NARS2: variants seen among roughly 807,000 people sequenced by gnomAD.
The protein encoded by NARS2 is asparaginyl-tRNA synthetase.
Under a neutral mutation model 62.9 loss-of-function variants are expected in NARS2, and 60 were observed. The observed-to-expected ratio is 0.95, with a 90% confidence interval of 0.77 to 1.18. The LOEUF (loss-of-function observed/expected upper bound fraction) is 1.18, where lower values mean the gene tolerates loss of function less well. NARS2 is among the 50% of genes most tolerant of loss of function. The pLI, the probability that NARS2 is intolerant of heterozygous loss-of-function variation, is 0.00. For synonymous variants in NARS2, 196 were observed against 200.0 expected, an observed-to-expected ratio of 0.98 and a Z score of 0.17; for missense variants, 619 against 576.4, an observed-to-expected ratio of 1.07 and a Z score of -0.76.
chr11:78,547,988 G>C (rs887034889), intron 5 of NARS2, among the ~76,000 whole-genome samples: 1 of 152,166 alleles, frequency 6.6e-6, no homozygotes, highest in Non-Finnish European at 1.5e-5. Flanking sequence ...GGCAGGCTGA[G>C]ATTGGAGGAT....
intron 5 of NARS2, chr11:78,558,152 A>G (rs1230531011): frequency 6.6e-6 from 1 of 152,162 alleles, no homozygotes; most frequent in Non-Finnish European, 1.5e-5. Context: ...GTTTTCCAGA[A>G]TTTACATATG....
At chr11:78,438,704 G>C (rs1289065680) in intron 13 of NARS2, among the ~76,000 whole-genome samples, 1 of 152,186 alleles carries the variant, frequency 6.6e-6, no homozygotes, top group Non-Finnish European at 1.5e-5. Context: ...GATTATGGAA[G>C]AGATGCTACG....
At chr11:78,534,300 T>C (rs545464173) in intron 5 of NARS2, among the ~76,000 whole-genome samples, 19 of 152,248 alleles carry the variant, frequency 1.2e-4, no homozygotes, top group Non-Finnish European at 2.5e-4. Context: ...GTTGTCAGTG[T>C]TATGGATGTT....
chr11:78,459,227 G>A (rs1053232778), intron 11 of NARS2, among the ~76,000 whole-genome samples: 16 of 147,002 alleles, frequency 1.1e-4, no homozygotes, highest in African/African-American at 4.0e-4. Flanking sequence ...CTGATGATCT[G>A]ATGGTGGTTT....
At chr11:78,450,975 C>T (rs188868770) in intron 11 of NARS2, among the ~76,000 whole-genome samples, 18 of 152,264 alleles carry the variant, frequency 1.2e-4, no homozygotes, top group Admixed American at 3.3e-4. Context: ...GCCACTGTGC[C>T]CAGCCCTTGT....
chr11:78,512,481 G>A (rs1860754551), intron 6 of NARS2, among the ~76,000 whole-genome samples: 1 of 152,140 alleles, frequency 6.6e-6, no homozygotes, highest in Non-Finnish European at 1.5e-5. Context: ...AGTAAACACT[G>A]GGCTTTACAT....
intron 9 of NARS2, among the ~76,000 whole-genome samples, chr11:78,472,413 T>TTATA (rs1323445110): frequency 6.6e-6 from 1 of 152,136 alleles, no homozygotes; most frequent in East Asian, 1.9e-4. Context: ...ACAAAGATAA[T>TTATA]TATTGTCATC....
rs564588260 is a variant in NARS2, at chr11:78,493,123, T to C, written c.762A>G (p.Ala254=). 1.7e-5 allele frequency: 28 copies of C among 1,614,058 alleles called. No individual in the cohort carries two copies. The highest frequency in any genetic ancestry group is 2.2e-5 in the Non-Finnish European group (26 of 1,179,930). The part of the protein sequence containing the change: ...AENSQSRRHL[A]EFYMIEAEIS... ...TCTCTGCTTCTATCATATAAAACTC[T>C]GCCAGGTGCCTCCGGCTCTGAGAAT... The change falls in exon 7 of 14, where the codon GCA becomes GCG. Residue 254 remains alanine (A), a synonymous_variant. Coordinates refer to ENST00000281038, the MANE Select transcript of NARS2 (RefSeq NM_024678.6).
Position 78,455,609 on chromosome 11 carries a change from C to T in NARS2, c.1164+10267G>A, listed in dbSNP as rs928364846. On this transcript the variant is annotated intron_variant, in intron 11 of 13. Transcript: ENST00000281038. ...GATTGACTATGATCCCCTGAGAATA[C>T]TGAGGACAAGAAAGATCAAGTGGTA... 2.0e-5 allele frequency among the ~76,000 whole-genome samples: 3 copies of T among 152,236 alleles called. No individual in the cohort carries two copies. In the East Asian group the frequency reaches 5.8e-4, roughly 29 times the overall value.
At chr11:78,562,893 T>G (rs1001680966) in intron 4 of NARS2, among the ~76,000 whole-genome samples, 1 of 152,180 alleles carries the variant, frequency 6.6e-6, no homozygotes, top group Non-Finnish European at 1.5e-5. Flanking sequence ...AAACTGAAAC[T>G]TACGAAAATT....
chr11:78,562,589 AG>A (rs1856594021), intron 4 of NARS2, among the ~76,000 whole-genome samples: 4 of 152,230 alleles, frequency 2.6e-5, no homozygotes. Context: ...AAGAGGGGAA[AG>A]TAAGTAATTC....
rs144661055 is a variant in NARS2, at chr11:78,567,085, A to C, written c.373-813T>G. Among the ~76,000 whole-genome samples, 975 of 152,310 alleles carry C rather than the reference A, an allele frequency of 6.4e-3. 7 individuals carry two copies. Among genetic ancestry groups the C allele is most frequent in the African/African-American group, 0.022 (927 of 41,558 alleles). ...GGGGTCAGAATTCCCTAATGTTGGA[A>C]TACTTCAAAATGATACTGAATCAGA... On this transcript the variant is annotated intron_variant, in intron 3 of 13. Transcript: ENST00000281038.
chr11:78,501,527 C>A (rs779053140), intron 6 of NARS2, among the ~76,000 whole-genome samples: 2 of 152,106 alleles, frequency 1.3e-5, no homozygotes, highest in African/African-American at 4.8e-5. Flanking sequence ...CTCTGAAGAC[C>A]TCTCTTCAGA....
chr11:78,444,652 G>C (rs1021302595), intron 11 of NARS2, among the ~76,000 whole-genome samples: 4 of 150,916 alleles, frequency 2.7e-5, no homozygotes, highest in Admixed American at 6.6e-5. Flanking sequence ...CCAGGAGGTG[G>C]AGGTCACAGC....
intron 5 of NARS2, among the ~76,000 whole-genome samples, chr11:78,533,873 G>C (rs1276885815): frequency 6.6e-6 from 1 of 152,150 alleles, no homozygotes; most frequent in East Asian, 1.9e-4. Context: ...GTCTTTTCCA[G>C]AATGTCACAC....
At chr11:78,443,930 G>C in intron 11 of NARS2, 172 bp from the exon 12 acceptor site, 1 of 526,968 alleles carries the variant, frequency 1.9e-6, no homozygotes, top group Non-Finnish European at 3.4e-6. Context: ...TGCACCATTT[G>C]TGTAGTATAC....
At chr11:78,500,615 A>C (rs1860244721) in intron 6 of NARS2, among the ~76,000 whole-genome samples, 1 of 152,146 alleles carries the variant, frequency 6.6e-6, no homozygotes, top group South Asian at 2.1e-4. Flanking sequence ...CGAGGACCAC[A>C]AGCATGTGCC....
rs930037930 is a variant in NARS2 at position 78,449,138 on chromosome 11, T to G, written c.1165-5380A>C. On this transcript the variant is annotated intron_variant, in intron 11 of 13. Transcript: ENST00000281038. ...TTTTGAGTCACCTAAAAAATGTTTT[T>G]TTTTTTTTTTTTTTTGAGTTGGAGT... Among the ~76,000 whole-genome samples the G allele has an allele frequency of 2.2e-3, 326 of 146,052 alleles. 1 individual carries two copies. The highest frequency in any genetic ancestry group is 4.5e-3 in the Admixed American group (67 of 14,768).
At chr11:78,505,035 C>T (rs1860434028) in intron 6 of NARS2, among the ~76,000 whole-genome samples, 1 of 150,850 alleles carries the variant, frequency 6.6e-6, no homozygotes, top group African/African-American at 2.4e-5. Flanking sequence ...ACACAGTTCA[C>T]AGGTAAATTT....
Sources: gnomAD v4.1 joint callset for allele counts (sites outside exome capture counted in the v4.1 genomes callset) on GRCh38, gnomAD v4.1.1 for gene constraint, MANE v1.5 for transcripts, NCBI Gene and HGNC (gene_info 2026-07-23, HGNC 2026-07-21) for gene names.